Variants in PHF10 observed in about 807,000 individuals in gnomAD.
PHF10 encodes BRG1-associated factor 45a.
Under a neutral mutation model 68.5 loss-of-function variants are expected in PHF10, and 51 were observed. The observed-to-expected ratio is 0.74, with a 90% confidence interval of 0.59 to 0.94. The LOEUF is 0.94. Ranked by LOEUF, PHF10 falls within the 40% of genes least tolerant of loss-of-function variation. The pLI, the probability that PHF10 is intolerant of heterozygous loss-of-function variation, is 0.00. For missense variants in PHF10, 460 were observed against 602.6 expected, an observed-to-expected ratio of 0.76 and a Z score of 2.48; for synonymous variants, 204 against 203.5, an observed-to-expected ratio of 1.00 and a Z score of -0.02.
intron 1 of PHF10, among the ~76,000 whole-genome samples, chr6:169,723,518 G>A (rs987334674): frequency 1.3e-5 from 2 of 152,326 alleles, no homozygotes; most frequent in African/African-American, 2.4e-5. Flanking sequence ...AGGCCCCTCC[G>A]AGGCCAACTC....
At chr6:169,722,443 C>A (rs1022377689) in intron 1 of PHF10, among the ~76,000 whole-genome samples, 1 of 152,032 alleles carries the variant, frequency 6.6e-6, no homozygotes, top group Admixed American at 6.5e-5. Flanking sequence ...ATTTTTATAT[C>A]CTTAAACTTA....
At chr6:169,705,821 G>C (rs1425090658) in intron 9 of PHF10, 97 bp from the exon 10 acceptor site, 5 of 727,096 alleles carry the variant, frequency 6.9e-6, no homozygotes, top group African/African-American at 1.8e-5. Flanking sequence ...TTTACTTTTG[G>C]TAACTTGCTA....
chr6:169,705,223 G>A lies in PHF10; in HGVS notation c.1321C>T (p.Gln441Ter), dbSNP rs748298089. 7.4e-6 allele frequency: 12 copies of A among 1,613,332 alleles called. No homozygotes were observed. The highest frequency in any genetic ancestry group is 9.3e-6 in the Non-Finnish European group (11 of 1,179,428). Reference sequence around the variant, plus strand: ...ATCATTTCTTCTTCATGGTGGGGTTGTCCACATATAATGCATGTTTTACAT... The same window carrying A: ...ATCATTTCTTCTTCATGGTGGGGTTATCCACATATAATGCATGTTTTACAT... ...MECKTCIICG[Q>*]PHHEEEMMFC... The change falls in exon 11 of 12, where the codon CAA becomes TAA. Residue 441 changes from glutamine to a stop codon, truncating the protein, a stop_gained. Coordinates refer to ENST00000339209, the MANE Select transcript of PHF10 (RefSeq NM_018288.4). LOFTEE classifies it high-confidence loss of function.
Position 169,705,328 on chromosome 6 carries a change from C to CA in PHF10, c.1223-8dup. 6.3e-7 allele frequency: 1 copy of CA among 1,594,362 alleles called. No homozygotes were observed. The highest frequency in any genetic ancestry group is 8.6e-7 in the Non-Finnish European group (1 of 1,168,356). On this transcript the variant is annotated splice_region_variant and splice_polypyrimidine_tract_variant and intron_variant, in intron 10 of 11. Transcript: ENST00000339209. ...TCCAGGCAAGAAGGATGGCCTAAAT[C>CA]AAAACCAGTATTAGTGGTATCTCAC...
At chr6:169,721,983 G>A (rs924034538) in intron 1 of PHF10, among the ~76,000 whole-genome samples, 14 of 152,168 alleles carry the variant, frequency 9.2e-5, no homozygotes, top group African/African-American at 3.4e-4. Flanking sequence ...TGGACGGCCT[G>A]GGTTCTCACT....
rs1206008148 is a variant in PHF10, at chr6:169,724,344, C to T, written c.-413G>A. 6.9e-6 allele frequency among the ~76,000 whole-genome samples: 1 copy of T among 144,680 alleles called. No individual in the cohort carries two copies. Among genetic ancestry groups the T allele is most frequent in the Non-Finnish European group, 1.5e-5 (1 of 65,006 alleles). 94.9% of individuals were successfully genotyped at this position (144,680 alleles called of 152,430 possible). On this transcript the variant is annotated 5_prime_UTR_variant, in exon 1 of 12. Transcript: ENST00000339209. ...TCCCTTCAGCCCCGCCACTCGCTCG[C>T]CTCAGCCCCGCCGCTCGCTCGCCTC...
intron 7 of PHF10, among the ~76,000 whole-genome samples, chr6:169,713,536 T>G (rs900348886): frequency 6.6e-6 from 1 of 151,078 alleles, no homozygotes; most frequent in South Asian, 2.1e-4. Flanking sequence ...GAGGCAGAGG[T>G]TGCAGTGAGC....
At chr6:169,712,001 C>T (rs539418367) in intron 8 of PHF10, among the ~76,000 whole-genome samples, 10 of 152,170 alleles carry the variant, frequency 6.6e-5, no homozygotes. Context: ...ATAATATTTT[C>T]CTATAGGAAG....
At chr6:169,716,658 T>A (rs1229969970) in intron 4 of PHF10, among the ~76,000 whole-genome samples, 1 of 152,166 alleles carries the variant, frequency 6.6e-6, no homozygotes, top group Admixed American at 6.5e-5. Flanking sequence ...AAAAAAAGAT[T>A]ACAAATAAAG....
chr6:169,721,214 A>G, intron 1 of PHF10, 103 bp from the exon 2 acceptor site: 13 of 629,712 alleles, frequency 2.1e-5, no homozygotes, highest in Non-Finnish European at 3.5e-5. Flanking sequence ...TCATACAAGT[A>G]TTAACTTCAT....
chr6:169,705,601 C>T lies in PHF10; in HGVS notation c.1222+15G>A. 8.2e-7 allele frequency: 1 copy of T among 1,219,250 alleles called. No individual in the cohort carries two copies. Among genetic ancestry groups the T allele is most frequent in the Non-Finnish European group, 1.2e-6 (1 of 822,616 alleles). 75.5% of individuals were successfully genotyped at this position (1,219,250 alleles called of 1,614,324 possible). On this transcript the variant is annotated intron_variant, in intron 10 of 11. Coordinates refer to ENST00000339209, the MANE Select transcript of PHF10 (RefSeq NM_018288.4). ...TACGGTGGTTAAAATTTTAAAAAGA[C>T]ATTTCAATACTTACCACTATTCTCA...
rs368553598 is a variant in PHF10, at chr6:169,715,412, A to G, written c.693+296T>C. 2.6e-4 allele frequency among the ~76,000 whole-genome samples: 40 copies of G among 152,240 alleles called. 1 individual carries two copies. In the East Asian group the frequency reaches 7.5e-3, roughly 29 times the overall value. On this transcript the variant is annotated intron_variant, in intron 6 of 11. Transcript: ENST00000339209. ...AAAACACCATCTCTACTAAAAATAC[A>G]AAAAATTAGCTGGGTGTGGTGGCAG...
At position 169,723,851 on chromosome 6, in the gene PHF10, G is replaced by T; in HGVS notation, c.81C>A (p.Ser27=). The change falls in exon 1 of 12, where the codon TCC becomes TCA. Residue 27 remains serine, a synonymous_variant. Coordinates refer to ENST00000339209, the MANE Select transcript of PHF10 (RefSeq NM_018288.4). Reference sequence around the variant, plus strand: ...GCACCGGCCGCTTCCTCACCTTCGGGGACTGCGCTCCGGGGGTGGCTGGGT... The same window carrying T: ...GCACCGGCCGCTTCCTCACCTTCGGTGACTGCGCTCCGGGGGTGGCTGGGT... The part of the protein sequence containing the change: ...DSDPATPGAQ[S]PKDDNEDNSN... 1.9e-6 allele frequency: 2 copies of T among 1,077,130 alleles called. No individual in the cohort carries two copies. Among genetic ancestry groups the T allele is most frequent in the Non-Finnish European group, 2.3e-6 (2 of 876,656 alleles). The allele number at this position is 1,077,130 out of a possible 1,614,324, so 66.7% of individuals were successfully genotyped here.
chr6:169,705,378 C>T, intron 10 of PHF10, 57 bp from the exon 11 acceptor site: 1 of 1,208,832 alleles, frequency 8.3e-7, no homozygotes, highest in Non-Finnish European at 1.2e-6. Context: ...CTTAATATGG[C>T]ACATAAAATA....
At chr6:169,706,383 TAAAAGGG>T (rs1278074196) in intron 9 of PHF10, among the ~76,000 whole-genome samples, 5 of 152,024 alleles carry the variant, frequency 3.3e-5, no homozygotes, top group Non-Finnish European at 7.4e-5. Flanking sequence ...TGTAAAATTA[TAAAAGGG>T]AAAAATAAGT....
rs866842516 is a variant in PHF10 at position 169,724,436 on chromosome 6, C to G, written c.-505G>C. ...GCCGCTCGCCTCAGCCCCGCCGCTC[C>G]CCTCAGCCCCGCGGCCGCCTCAGCC... On this transcript the variant is annotated 5_prime_UTR_variant, in exon 1 of 12. Transcript: ENST00000339209. Among the ~76,000 whole-genome samples, 16 of 137,616 alleles carry G rather than the reference C, an allele frequency of 1.2e-4. No individual in the cohort carries two copies. Among genetic ancestry groups the G allele is most frequent in the East Asian group, 7.5e-4 (3 of 4,020 alleles). The allele number at this position is 137,616 out of a possible 152,430, so 90.3% of individuals were successfully genotyped here.
intron 8 of PHF10, 82 bp downstream of exon 8, chr6:169,712,304 G>A (rs2128329796): frequency 8.6e-7 from 1 of 1,158,352 alleles, no homozygotes; most frequent in Non-Finnish European, 1.3e-6. Flanking sequence ...CCTTTTTCAA[G>A]GAGAGGGTGA....
chr6:169,721,513 T>A (rs1383579492), intron 1 of PHF10, among the ~76,000 whole-genome samples: 1 of 152,224 alleles, frequency 6.6e-6, no homozygotes, highest in Non-Finnish European at 1.5e-5. Context: ...TAGGCATTTA[T>A]GTCCCTGTGA....
rs1562989162 is a variant in PHF10, at chr6:169,721,127, A to T, written c.88-16T>A. 7.7e-7 allele frequency: 1 copy of T among 1,295,720 alleles called. No homozygotes were observed. Among genetic ancestry groups the T allele is most frequent in the Non-Finnish European group, 1.1e-6 (1 of 919,168 alleles). The allele number at this position is 1,295,720 out of a possible 1,614,324, so 80.3% of individuals were successfully genotyped here. A position where few individuals can be genotyped will look rare whatever the true frequency, so the allele number is the denominator to read the frequency against. ...CATTATCATCCTATACATTTAAAAG[A>T]TTCAAAAATAATAATTAGAGAAAGA... On this transcript the variant is annotated splice_polypyrimidine_tract_variant and intron_variant, in intron 1 of 11. Coordinates refer to ENST00000339209, the MANE Select transcript of PHF10 (RefSeq NM_018288.4).
Sources: gnomAD v4.1 joint callset for allele counts (sites outside exome capture counted in the v4.1 genomes callset) on GRCh38, gnomAD v4.1.1 for gene constraint, MANE v1.5 for transcripts, NCBI Gene and HGNC (gene_info 2026-07-23, HGNC 2026-07-21) for gene names.